The following DEPTOR variants were observed in gnomAD, a reference collection of about 807,000 sequenced individuals.
DEPTOR encodes DEP domain containing MTOR interacting protein.
Under a neutral mutation model 41.6 loss-of-function variants are expected in DEPTOR, and 41 were observed. That is an observed-to-expected ratio of 0.98 (90% CI 0.77 to 1.28). The LOEUF (loss-of-function observed/expected upper bound fraction) is 1.28, where lower values mean the gene tolerates loss of function less well. Ranked by LOEUF, DEPTOR falls within the 50% of genes most tolerant of loss-of-function variation. The probability of loss-of-function intolerance (pLI) is 0.00; values close to 1 mark genes in which losing one functional copy is unlikely to be tolerated. For missense variants in DEPTOR, 514 were observed against 527.9 expected (o/e 0.97, Z 0.26); for synonymous variants, 195 against 192.3 (o/e 1.01, Z -0.12).
intron 1 of DEPTOR, among the ~76,000 whole-genome samples, chr8:119,904,019 C>A (rs1295752263): frequency 6.6e-6 from 1 of 152,114 alleles, no homozygotes; most frequent in African/African-American, 2.4e-5. Context: ...CCTGAACACT[C>A]TTCCCCACCC....
At chr8:119,983,410 A>C (rs904950175) in intron 4 of DEPTOR, among the ~76,000 whole-genome samples, 1 of 151,948 alleles carries the variant, frequency 6.6e-6, no homozygotes, top group African/African-American at 2.4e-5. Context: ...TTTGAGACAG[A>C]GTCTCACACT....
intron 4 of DEPTOR, among the ~76,000 whole-genome samples, chr8:119,967,527 T>G: frequency 6.6e-6 from 1 of 151,266 alleles, no homozygotes; most frequent in East Asian, 2.0e-4. Flanking sequence ...CTGAGGCTGG[T>G]GGATCACCTG....
chr8:119,928,334 T>G, intron 1 of DEPTOR, 66 bp from the exon 2 acceptor site: 2 of 1,528,514 alleles, frequency 1.3e-6, no homozygotes, highest in Non-Finnish European at 1.8e-6. Flanking sequence ...TATTACTGTC[T>G]GGGATTGGTT....
rs59821541 is a variant in DEPTOR at position 119,886,464 on chromosome 8, C to CACACATACACAT, written c.122+12508_122+12519dup. On this transcript the variant is annotated intron_variant, in intron 1 of 8. Coordinates refer to ENST00000286234, the MANE Select transcript of DEPTOR (RefSeq NM_022783.4). ...CCCAGTACACACACACAGACACACA[C>CACACATACACAT]ACACATACACATACACATACACACA... Among the ~76,000 whole-genome samples, 1,410 of 150,236 alleles carry CACACATACACAT rather than the reference C, an allele frequency of 9.4e-3. 16 individuals are homozygous for CACACATACACAT. Among genetic ancestry groups the CACACATACACAT allele is most frequent in the Non-Finnish European group, 0.013 (849 of 67,570 alleles).
In DEPTOR at chr8:119,944,122, T is replaced by G. The variant is rs547539254; in HGVS notation, c.425+14184T>G. 7.2e-5 allele frequency among the ~76,000 whole-genome samples: 11 copies of G among 152,200 alleles called. No homozygotes were observed. The South Asian group carries it at 1.2e-3, about 17-fold the overall frequency. Reference sequence around the variant, plus strand: ...CCCAAAGTGCTGGGATTACAGGCGTTAGCCACCGCTCTGGGCCTAAATTGT... The same window carrying G: ...CCCAAAGTGCTGGGATTACAGGCGTGAGCCACCGCTCTGGGCCTAAATTGT... On this transcript the variant is annotated intron_variant, in intron 3 of 8. Coordinates refer to ENST00000286234, the MANE Select transcript of DEPTOR (RefSeq NM_022783.4).
intron 1 of DEPTOR, among the ~76,000 whole-genome samples, chr8:119,924,877 C>T (rs576300742): frequency 1.3e-5 from 2 of 152,212 alleles, no homozygotes; most frequent in Non-Finnish European, 2.9e-5. Flanking sequence ...TTTTTGGGTC[C>T]TCACCCTCCT....
chr8:119,972,126 T>G (rs1379602681), intron 4 of DEPTOR, among the ~76,000 whole-genome samples: 1 of 152,218 alleles, frequency 6.6e-6, no homozygotes, highest in African/African-American at 2.4e-5. Context: ...TGATTGCACT[T>G]GGCAAAAGCT....
At chr8:119,961,004 A>T (rs540286031) in intron 3 of DEPTOR, among the ~76,000 whole-genome samples, 1 of 152,062 alleles carries the variant, frequency 6.6e-6, no homozygotes, top group East Asian at 1.9e-4. Flanking sequence ...GAAAGAAAGA[A>T]AAGTGGCTTG....
At chr8:119,900,309 G>T (rs538975674) in intron 1 of DEPTOR, among the ~76,000 whole-genome samples, 1 of 117,782 alleles carries the variant, frequency 8.5e-6, no homozygotes, top group African/African-American at 3.6e-5. Flanking sequence ...GGGCAACAGA[G>T]CGAGGCTCCA....
intron 8 of DEPTOR, among the ~76,000 whole-genome samples, chr8:120,041,234 A>C (rs1007321816): frequency 1.3e-5 from 2 of 152,218 alleles, no homozygotes; most frequent in South Asian, 4.1e-4. Context: ...TTTCTCCCCA[A>C]CTTCACTCCC....
intron 3 of DEPTOR, among the ~76,000 whole-genome samples, chr8:119,956,727 G>GT (rs1410547306): frequency 0.046 from 3,724 of 80,408 alleles, 50 homozygotes; most frequent in African/African-American, 0.057. Flanking sequence ...AGGGTTTTTT[G>GT]TTTTTTTTTT....
intron 4 of DEPTOR, among the ~76,000 whole-genome samples, chr8:119,995,407 G>A (rs2130063882): frequency 6.6e-6 from 1 of 152,140 alleles, no homozygotes; most frequent in African/African-American, 2.4e-5. Flanking sequence ...CCAACATGGT[G>A]AAACCCTGTC....
chr8:119,971,886 A>G (rs1326184570), intron 4 of DEPTOR, among the ~76,000 whole-genome samples: 1 of 152,172 alleles, frequency 6.6e-6, no homozygotes, highest in Admixed American at 6.5e-5. Context: ...AGACTCTCAG[A>G]AGGAAAGCAA....
Position 120,013,570 on chromosome 8 carries a change from C to T in DEPTOR, c.1101+4437C>T, listed in dbSNP as rs535322381. 3.0e-3 allele frequency among the ~76,000 whole-genome samples: 463 copies of T among 152,260 alleles called. 1 individual carries two copies. Among genetic ancestry groups the T allele is most frequent in the Non-Finnish European group, 3.9e-3 (267 of 68,012 alleles). The stretch of plus-strand genomic sequence containing the variant: ...CCTGGGGTGCCCTGTGGGAAGGATC[C>T]GCCCACTTGGGCACTGATTAACCTG... On this transcript the variant is annotated intron_variant, in intron 8 of 8. Coordinates refer to ENST00000286234, the MANE Select transcript of DEPTOR (RefSeq NM_022783.4).
chr8:119,970,884 G>A (rs778519833), intron 4 of DEPTOR, among the ~76,000 whole-genome samples: 1 of 140,994 alleles, frequency 7.1e-6, no homozygotes, highest in African/African-American at 2.7e-5. Context: ...TATCTCCACC[G>A]GGGAGCCCTC....
At chr8:119,924,583 A>G (rs1275094114) in intron 1 of DEPTOR, among the ~76,000 whole-genome samples, 1 of 152,098 alleles carries the variant, frequency 6.6e-6, no homozygotes, top group Non-Finnish European at 1.5e-5. Flanking sequence ...CTTTATTCAA[A>G]AATTACAAAG....
At chr8:119,875,683 A>G (rs1196667894) in intron 1 of DEPTOR, among the ~76,000 whole-genome samples, 1 of 152,148 alleles carries the variant, frequency 6.6e-6, no homozygotes, top group Non-Finnish European at 1.5e-5. Context: ...AAGCAAAGAG[A>G]GGCTGGGACG....
At chr8:119,882,369 T>A (rs1182657306) in intron 1 of DEPTOR, among the ~76,000 whole-genome samples, 4 of 151,912 alleles carry the variant, frequency 2.6e-5, no homozygotes, top group Non-Finnish European at 2.9e-5. Flanking sequence ...TAGAAAAAAA[T>A]ACATTGTTTT....
chr8:120,003,109 C>A lies in DEPTOR; in HGVS notation c.923C>A (p.Ser308Tyr). The part of the protein sequence containing the change: ...SSPPVLCNPK[S>Y]VLKRPVTSEE... The stretch of plus-strand genomic sequence containing the variant: ...CCCCCTGTGCTCTGCAACCCCAAGT[C>A]CGGTGAGTGCCCAAAAGGTGGCCCC... The change falls in exon 6 of 9, where the codon TCC (serine) becomes TAC (tyrosine). Residue 308 changes from serine (S) to tyrosine (Y), a missense_variant and splice_region_variant. Physicochemically the swap from Ser to Tyr is moderately radical, Grantham distance 144. Transcript: ENST00000286234. 6.2e-7 allele frequency: 1 copy of A among 1,611,672 alleles called. No homozygotes were observed. The highest frequency in any genetic ancestry group is 8.5e-7 in the Non-Finnish European group (1 of 1,179,778).
Sources: gnomAD v4.1 joint callset for allele counts (sites outside exome capture counted in the v4.1 genomes callset) on GRCh38, gnomAD v4.1.1 for gene constraint, MANE v1.5 for transcripts, NCBI Gene and HGNC (gene_info 2026-07-23, HGNC 2026-07-21) for gene names.